The following RAB8B variants were observed in gnomAD, a reference collection of about 807,000 sequenced individuals.
RAB8B encodes the protein RAB8B, member RAS oncogene family.
RAB8B carries 11 observed loss-of-function variants against 32.0 expected under a neutral mutation model. That is an observed-to-expected ratio of 0.34 (90% CI 0.22 to 0.57). The LOEUF (loss-of-function observed/expected upper bound fraction) is 0.57. Among genes scored for constraint, RAB8B ranks in the 20% least tolerant of loss-of-function variants. RAB8B has a pLI of 0.86. For synonymous variants in RAB8B, 103 were observed against 89.6 expected, an observed-to-expected ratio of 1.15 and a Z score of -0.85; for missense variants, 190 against 258.5, an observed-to-expected ratio of 0.73 and a Z score of 1.82.
intron 3 of RAB8B, among the ~76,000 whole-genome samples, chr15:63,255,091 A>G (rs1209903557): frequency 3.3e-5 from 5 of 152,226 alleles, no homozygotes; most frequent in African/African-American, 1.2e-4. Context: ...TCTCAATCTT[A>G]GTAGAAGAGT....
chr15:63,235,247 G>A (rs1177145174), intron 1 of RAB8B, among the ~76,000 whole-genome samples: 1 of 152,126 alleles, frequency 6.6e-6, no homozygotes, highest in African/African-American at 2.4e-5. Context: ...ACCAGGCATG[G>A]ATGGGGTGGG....
intron 1 of RAB8B, among the ~76,000 whole-genome samples, chr15:63,192,490 G>C (rs139828061): frequency 2.7e-4 from 41 of 152,276 alleles, no homozygotes; most frequent in African/African-American, 9.6e-4. Context: ...GGGTTTTGAT[G>C]AAGTCTGCCA....
At chr15:63,215,399 T>A (rs1312456206) in intron 1 of RAB8B, among the ~76,000 whole-genome samples, 7 of 152,230 alleles carry the variant, frequency 4.6e-5, no homozygotes, top group Admixed American at 3.3e-4. Flanking sequence ...TTCTGGTCAA[T>A]AACAAGTTTG....
At chr15:63,214,645 A>G (rs1298887026) in intron 1 of RAB8B, among the ~76,000 whole-genome samples, 1 of 152,102 alleles carries the variant, frequency 6.6e-6, no homozygotes, top group Admixed American at 6.5e-5. Context: ...AACCGTTTCT[A>G]ACACTTCACA....
intron 1 of RAB8B, among the ~76,000 whole-genome samples, chr15:63,232,653 C>T (rs1341347461): frequency 2.0e-5 from 3 of 152,136 alleles, no homozygotes; most frequent in Admixed American, 6.5e-5. Flanking sequence ...GATGGAAGAA[C>T]CAAACACGTC....
intron 1 of RAB8B, among the ~76,000 whole-genome samples, chr15:63,224,858 G>A (rs1359753492): frequency 6.6e-6 from 1 of 152,180 alleles, no homozygotes; most frequent in Non-Finnish European, 1.5e-5. Context: ...TGATTCTCCT[G>A]TTAGTGTCAC....
At chr15:63,226,087 G>A (rs1306638236) in intron 1 of RAB8B, among the ~76,000 whole-genome samples, 2 of 152,106 alleles carry the variant, frequency 1.3e-5, no homozygotes, top group Non-Finnish European at 2.9e-5. Context: ...TGATCCTCTT[G>A]CCTATGCCTC....
intron 1 of RAB8B, among the ~76,000 whole-genome samples, chr15:63,225,248 T>C (rs941570025): frequency 6.6e-6 from 1 of 152,216 alleles, no homozygotes; most frequent in East Asian, 1.9e-4. Flanking sequence ...CTTATAAATA[T>C]GTTTGACAAT....
chr15:63,229,780 C>CTAAAAA (rs2037920105), intron 1 of RAB8B, among the ~76,000 whole-genome samples: 1 of 35,972 alleles, frequency 2.8e-5, no homozygotes, highest in Non-Finnish European at 6.3e-5. Flanking sequence ...GACGCTGTTT[C>CTAAAAA]AAAAAAAAAA....
At chr15:63,220,496 G>C (rs2037835615) in intron 1 of RAB8B, among the ~76,000 whole-genome samples, 1 of 152,026 alleles carries the variant, frequency 6.6e-6, no homozygotes, top group African/African-American at 2.4e-5. Flanking sequence ...AAGAACATGA[G>C]AATAGAAGAG....
intron 1 of RAB8B, among the ~76,000 whole-genome samples, chr15:63,205,031 C>A (rs1225225125): frequency 6.6e-6 from 1 of 152,080 alleles, no homozygotes; most frequent in Non-Finnish European, 1.5e-5. Context: ...GGTATGGTGG[C>A]TCATGCCTGT....
chr15:63,192,755 A>G (rs1206392675), intron 1 of RAB8B, among the ~76,000 whole-genome samples: 1 of 152,186 alleles, frequency 6.6e-6, no homozygotes, highest in African/African-American at 2.4e-5. Flanking sequence ...TTTTGATTCC[A>G]GATACAGTTG....
intron 1 of RAB8B, among the ~76,000 whole-genome samples, chr15:63,210,389 TC>T (rs1442912565): frequency 6.6e-6 from 1 of 152,242 alleles, no homozygotes; most frequent in Non-Finnish European, 1.5e-5. Context: ...AAATGTTTCC[TC>T]AATGAATTTC....
chr15:63,233,415 T>C (rs1422648825), intron 1 of RAB8B, among the ~76,000 whole-genome samples: 1 of 152,140 alleles, frequency 6.6e-6, no homozygotes, highest in Admixed American at 6.5e-5. Flanking sequence ...TTTCTCCAAG[T>C]CCTTTATTTT....
At chr15:63,194,683 A>C (rs1473426930) in intron 1 of RAB8B, among the ~76,000 whole-genome samples, 3 of 152,192 alleles carry the variant, frequency 2.0e-5, no homozygotes, top group Non-Finnish European at 4.4e-5. Context: ...TAGACATTTT[A>C]TTCTGTAACA....
chr15:63,245,976 G>A (rs1305822853), intron 2 of RAB8B, among the ~76,000 whole-genome samples: 4 of 152,098 alleles, frequency 2.6e-5, no homozygotes, highest in African/African-American at 9.7e-5. Context: ...GGGTTCAAGC[G>A]ATTCTCCTGC....
Position 63,263,547 on chromosome 15 carries a change from A to G in RAB8B, c.552A>G (p.Gly184=). The change falls in exon 8 of 8, where the codon GGA becomes GGG. Residue 184 remains glycine (G), a synonymous_variant. Coordinates refer to ENST00000321437, the MANE Select transcript of RAB8B (RefSeq NM_016530.3). ...TTTAGAATGACAGCAATTCAGCAGGAGCAGGTGGACCAGTGAAAATAACAG... is the reference window on the plus strand; with the variant it reads ...TTTAGAATGACAGCAATTCAGCAGGGGCAGGTGGACCAGTGAAAATAACAG... The part of the protein sequence containing the change: ...NRKMNDSNSA[G]AGGPVKITEN... 1 of 1,612,104 alleles carries G rather than the reference A, an allele frequency of 6.2e-7. No homozygotes were observed. Among genetic ancestry groups the G allele is most frequent in the Non-Finnish European group, 8.5e-7 (1 of 1,178,096 alleles).
At chr15:63,203,836 C>T (rs1238677673) in intron 1 of RAB8B, among the ~76,000 whole-genome samples, 1 of 151,964 alleles carries the variant, frequency 6.6e-6, no homozygotes, top group East Asian at 1.9e-4. Flanking sequence ...TGTTTTTTTT[C>T]AATCCCAACA....
chr15:63,197,890 G>A (rs1161987095), intron 1 of RAB8B, among the ~76,000 whole-genome samples: 2 of 151,848 alleles, frequency 1.3e-5, no homozygotes, highest in Admixed American at 6.6e-5. Flanking sequence ...GAGGGAGGGC[G>A]GCAACTTCCT....
Sources: gnomAD v4.1 joint callset for allele counts (sites outside exome capture counted in the v4.1 genomes callset) on GRCh38, gnomAD v4.1.1 for gene constraint, MANE v1.5 for transcripts, NCBI Gene and HGNC (gene_info 2026-07-23, HGNC 2026-07-21) for gene names.